Variants in HERC1 observed in about 807,000 individuals in gnomAD.
The protein encoded by HERC1 is probable E3 ubiquitin-protein ligase HERC1.
In HERC1, 160 loss-of-function variants were observed where a neutral mutation model predicts 554.3. That is an observed-to-expected ratio of 0.29 (90% CI 0.25 to 0.33). The LOEUF is 0.33. Among genes scored for constraint, HERC1 ranks in the 10% least tolerant of loss-of-function variants. HERC1 has a pLI of 1.00. For synonymous variants in HERC1, 2,175 were observed against 2,131.7 expected, an observed-to-expected ratio of 1.02 and a Z score of -0.56; for missense variants, 4,919 against 5,918.5, an observed-to-expected ratio of 0.83 and a Z score of 5.54.
At chr15:63,781,178 T>G (rs1428403449) in intron 1 of HERC1, among the ~76,000 whole-genome samples, 1 of 152,126 alleles carries the variant, frequency 6.6e-6, no homozygotes, top group Non-Finnish European at 1.5e-5. Context: ...TATAAAACAA[T>G]GAAGCGGAAA....
chr15:63,623,583 C>A, intron 73 of HERC1, 142 bp downstream of exon 73: 3 of 782,126 alleles, frequency 3.8e-6, no homozygotes, highest in Non-Finnish European at 2.1e-6. Context: ...CTACGTATCA[C>A]TAACAGCATC....
intron 1 of HERC1, among the ~76,000 whole-genome samples, chr15:63,821,571 AAAAAT>A (rs2077694984): frequency 6.7e-6 from 1 of 150,084 alleles, no homozygotes; most frequent in South Asian, 2.1e-4. Context: ...AAAAAAAAAA[AAAAAT>A]GTAGCAGGGT....
chr15:63,747,187 C>A (rs779765444), intron 11 of HERC1, 104 bp from the exon 12 acceptor site: 8 of 1,012,246 alleles, frequency 7.9e-6, no homozygotes, highest in Non-Finnish European at 1.2e-5. Context: ...TGGCTAGGTG[C>A]GGTGGCTCAT....
At position 63,624,298 on chromosome 15, in the gene HERC1, A is replaced by T. The variant is rs1338228091; in HGVS notation, c.13305T>A (p.Thr4435=). 1.9e-6 allele frequency: 3 copies of T among 1,611,780 alleles called. No individual in the cohort carries two copies. Among genetic ancestry groups the T allele is most frequent in the Middle Eastern group, 3.3e-4 (2 of 6,050 alleles). ...QNSTSHYNAG[T]WGIVQGQLRP... ...GAAGTTGTCCCTGTACAATGCCCCA[A>T]GTTCCAGCATTATAATGGGATGTGC... The change falls in exon 72 of 78, where the codon ACT becomes ACA. Residue 4435 remains threonine (T), a synonymous_variant. Transcript: ENST00000443617.
chr15:63,762,755 A>G lies in HERC1; in HGVS notation c.1026+1341T>C, dbSNP rs539049489. Among the ~76,000 whole-genome samples the G allele has an allele frequency of 3.9e-5, 6 of 152,312 alleles. No homozygotes were observed. In the East Asian group the frequency reaches 1.2e-3, roughly 29 times the overall value. ...GCATTTATTCTGCTCTTCCCATATAAACTGTAGCAGAGTAATCAGTCAATA... is the reference window on the plus strand; with the variant it reads ...GCATTTATTCTGCTCTTCCCATATAGACTGTAGCAGAGTAATCAGTCAATA... On this transcript the variant is annotated intron_variant, in intron 3 of 77. Coordinates refer to ENST00000443617, the MANE Select transcript of HERC1 (RefSeq NM_003922.4).
At chr15:63,666,540 T>C (rs2070651673) in intron 40 of HERC1, 68 bp from the exon 41 acceptor site, 7 of 995,272 alleles carry the variant, frequency 7.0e-6, no homozygotes, top group Non-Finnish European at 7.7e-6. Flanking sequence ...AGTGTCTTCA[T>C]AGTCCTCAAT....
intron 1 of HERC1, among the ~76,000 whole-genome samples, chr15:63,785,332 G>A (rs1279212780): frequency 1.3e-5 from 2 of 152,074 alleles, no homozygotes; most frequent in Non-Finnish European, 2.9e-5. Context: ...TGGGTGGGAG[G>A]ATCGCTTGAG....
At chr15:63,705,485 T>G (rs2072954314) in intron 25 of HERC1, among the ~76,000 whole-genome samples, 2 of 152,048 alleles carry the variant, frequency 1.3e-5, no homozygotes, top group African/African-American at 4.8e-5. Flanking sequence ...ACATTTATTC[T>G]TTTGAGCTAT....
chr15:63,833,741 ACACGCGCG>A (rs2078241664), intron 1 of HERC1, 78 bp downstream of exon 1: 1 of 38,646 alleles, frequency 2.6e-5, no homozygotes, highest in Non-Finnish European at 8.7e-5. Context: ...GGCAAAGCAC[ACACGCGCG>A]CGCGCACACA....
intron 2 of HERC1, among the ~76,000 whole-genome samples, chr15:63,773,695 C>T (rs1175476150): frequency 7.3e-5 from 11 of 151,622 alleles, no homozygotes; most frequent in East Asian, 3.9e-4. Flanking sequence ...AGGTGCGCAC[C>T]ACCACACCCG....
At chr15:63,748,880 AC>A (rs1468033016) in intron 10 of HERC1, among the ~76,000 whole-genome samples, 1 of 151,940 alleles carries the variant, frequency 6.6e-6, no homozygotes, top group Non-Finnish European at 1.5e-5. Flanking sequence ...TGGACTAAAC[AC>A]GTACAGTTAG....
chr15:63,803,929 T>C (rs1165248421), intron 1 of HERC1, among the ~76,000 whole-genome samples: 3 of 152,150 alleles, frequency 2.0e-5, no homozygotes, highest in African/African-American at 7.2e-5. Flanking sequence ...ATAGTGGTAC[T>C]TTCATCAAGA....
At chr15:63,638,907 GAGC>G in intron 61 of HERC1, 131 bp from the exon 62 acceptor site, 1 of 707,752 alleles carries the variant, frequency 1.4e-6, no homozygotes, top group South Asian at 1.7e-5. Flanking sequence ...GATAAATTAA[GAGC>G]AGTTTTATAA....
Position 63,663,126 on chromosome 15 carries a change from G to A in HERC1, c.8759C>T (p.Ala2920Val), listed in dbSNP as rs759461833. ...EGISLQQDPG[A>V]LYDFNLDEEL... is the part of the protein sequence containing the mutation. ...CTCATCTAAATTAAAGTCATACAAC[G>A]CCCCTGGGTCTTGCTGCAAAGATAT... The change falls in exon 44 of 78, where the codon GCG becomes GTG. Residue 2920 changes from alanine (A) to valine (V), a missense_variant. Coordinates refer to ENST00000443617, the MANE Select transcript of HERC1 (RefSeq NM_003922.4). 132 of 1,613,734 alleles carry A rather than the reference G, an allele frequency of 8.2e-5. No individual in the cohort carries two copies. The highest frequency in any genetic ancestry group is 1.5e-4 in the Admixed American group (9 of 60,000).
At chr15:63,741,336 T>C (rs1265499100) in intron 12 of HERC1, among the ~76,000 whole-genome samples, 3 of 151,620 alleles carry the variant, frequency 2.0e-5, no homozygotes, top group African/African-American at 7.3e-5. Flanking sequence ...CCATCTTTTT[T>C]TTTTTGAGAC....
At chr15:63,831,149 C>G (rs2078139043) in intron 1 of HERC1, among the ~76,000 whole-genome samples, 1 of 152,122 alleles carries the variant, frequency 6.6e-6, no homozygotes, top group South Asian at 2.1e-4. Context: ...CTGTGTCTCC[C>G]AGGCTGGAGT....
In HERC1 at chr15:63,654,184, G is replaced by A; in HGVS notation, c.10225C>T (p.Leu3409Phe). The A allele has an allele frequency of 6.2e-7, 1 of 1,614,038 alleles. No individual in the cohort carries two copies. Among genetic ancestry groups the A allele is most frequent in the Non-Finnish European group, 8.5e-7 (1 of 1,179,878 alleles). The change falls in exon 51 of 78, where the codon CTT (leucine) becomes TTT (phenylalanine). Residue 3409 changes from leucine to phenylalanine, a missense_variant. By Grantham distance (22) the Leu-to-Phe change is conservative. This residue lies in a region of HERC1 where 1,963 missense variants were observed against 2,228.6 expected (regional missense o/e 0.88). Coordinates refer to ENST00000443617, the MANE Select transcript of HERC1 (RefSeq NM_003922.4). ...CTAAGATCTCCTCCCATATCAGCAA[G>A]TGTCTGCAGAGTAGTTTGGTTGTCA... Reference protein sequence around the residue: ...DRDNQTTLQTLADMGGDLRKC... With the variant: ...DRDNQTTLQTFADMGGDLRKC...
In HERC1 at chr15:63,754,530, T is replaced by C. The variant is rs2075357582; in HGVS notation, c.1749A>G (p.Val583=). The C allele has an allele frequency of 1.9e-6, 3 of 1,611,084 alleles. No homozygotes were observed. The highest frequency in any genetic ancestry group is 2.7e-5 in the African/African-American group (2 of 74,902). The change falls in exon 7 of 78, where the codon GTA becomes GTG. Residue 583 remains valine (V), a synonymous_variant. Coordinates refer to ENST00000443617, the MANE Select transcript of HERC1 (RefSeq NM_003922.4). ...CATTGTCTCCTCCTCCAAAAGACCATACAGTTCTCCCATCTTTAGACAGAG... is the reference window on the plus strand; with the variant it reads ...CATTGTCTCCTCCTCCAAAAGACCACACAGTTCTCCCATCTTTAGACAGAG... ...TIALSKDGRT[V]WSFGGGDNGK... is the part of the protein sequence containing the mutation.
chr15:63,664,550 C>A lies in HERC1; in HGVS notation c.8600G>T (p.Gly2867Val). The A allele has an allele frequency of 6.2e-7, 1 of 1,613,468 alleles. No individual in the cohort carries two copies. The highest frequency in any genetic ancestry group is 1.1e-5 in the South Asian group (1 of 91,046). Residue 2867 changes from glycine to valine, a missense_variant, in exon 43 of 78, where the codon GGA (glycine) becomes GTA (valine). Coordinates refer to ENST00000443617, the MANE Select transcript of HERC1 (RefSeq NM_003922.4). The part of the protein sequence containing the change: ...DHTENAASGS[G>V]PSARGRSAVT... Reference sequence around the variant, plus strand: ...CGCTGAGCGACCTCTAGCTGATGGTCCACTTCCAGAAGCTGCATTCTCTGT... The same window carrying A: ...CGCTGAGCGACCTCTAGCTGATGGTACACTTCCAGAAGCTGCATTCTCTGT...
Sources: gnomAD v4.1 joint callset for allele counts (sites outside exome capture counted in the v4.1 genomes callset) on GRCh38, gnomAD v4.1.1 for gene constraint, gnomAD v4.1.1 regional missense constraint, MANE v1.5 for transcripts, NCBI Gene and HGNC (gene_info 2026-07-23, HGNC 2026-07-21) for gene names.